The following TMC1 variants were observed in gnomAD, a reference collection of about 807,000 sequenced individuals.
The protein encoded by TMC1 is transmembrane channel-like protein 1.
TMC1 carries 84 observed loss-of-function variants against 105.8 expected under a neutral mutation model. The observed-to-expected ratio is 0.79, with a 90% CI of 0.67 to 0.95. The LOEUF is 0.95. Among genes scored for constraint, TMC1 ranks in the 40% least tolerant of loss-of-function variants. The pLI, the probability that TMC1 is intolerant of heterozygous loss-of-function variation, is 0.00. For synonymous variants in TMC1, 315 were observed against 311.5 expected (o/e 1.01, Z -0.12); for missense variants, 817 against 914.1 (o/e 0.89, Z 1.37).
At chr9:72,660,541 G>A (rs1825956414) in intron 5 of TMC1, among the ~76,000 whole-genome samples, 1 of 152,052 alleles carries the variant, frequency 6.6e-6, no homozygotes, top group African/African-American at 2.4e-5. Flanking sequence ...TTTTTTCAGA[G>A]CATTCCAGAG....
At chr9:72,556,004 A>G (rs1234635827) in intron 1 of TMC1, among the ~76,000 whole-genome samples, 1 of 131,762 alleles carries the variant, frequency 7.6e-6, no homozygotes, top group African/African-American at 3.0e-5. Context: ...AAAAAAAAAA[A>G]GTTGCACAGA....
chr9:72,546,150 C>T (rs979560628), intron 1 of TMC1, among the ~76,000 whole-genome samples: 5 of 151,590 alleles, frequency 3.3e-5, no homozygotes, highest in African/African-American at 7.3e-5. Context: ...AAAATTAGCC[C>T]GGCGTGGTGG....
At chr9:72,620,743 G>A (rs1442334980) in intron 3 of TMC1, among the ~76,000 whole-genome samples, 1 of 151,754 alleles carries the variant, frequency 6.6e-6, no homozygotes, top group Non-Finnish European at 1.5e-5. Flanking sequence ...AGTAATTATA[G>A]TAATTACATG....
chr9:72,625,544 C>T (rs761900441), intron 3 of TMC1, among the ~76,000 whole-genome samples: 10 of 151,844 alleles, frequency 6.6e-5, no homozygotes, highest in South Asian at 2.1e-4. Context: ...AAAAATTAGC[C>T]GGGCGTGGTG....
At chr9:72,795,436 A>G (rs1828348047) in intron 17 of TMC1, among the ~76,000 whole-genome samples, 1 of 152,180 alleles carries the variant, frequency 6.6e-6, no homozygotes, top group African/African-American at 2.4e-5. Flanking sequence ...CATTAGGCTA[A>G]CAGCAGATGT....
intron 18 of TMC1, among the ~76,000 whole-genome samples, chr9:72,811,961 C>G (rs1043935020): frequency 6.6e-6 from 1 of 152,258 alleles, no homozygotes; most frequent in Non-Finnish European, 1.5e-5. Context: ...TCCTACTTTA[C>G]AGTAAACTGA....
chr9:72,613,568 C>G (rs957985803), intron 2 of TMC1, among the ~76,000 whole-genome samples: 2 of 152,128 alleles, frequency 1.3e-5, no homozygotes, highest in Admixed American at 6.6e-5. Context: ...CAAAACCTAT[C>G]TCTTCTTGGA....
intron 5 of TMC1, among the ~76,000 whole-genome samples, chr9:72,650,545 A>G (rs1049563768): frequency 1.3e-5 from 2 of 152,126 alleles, no homozygotes; most frequent in African/African-American, 4.8e-5. Flanking sequence ...AAAGTTTGTT[A>G]CATAGGTAAA....
intron 5 of TMC1, among the ~76,000 whole-genome samples, chr9:72,682,311 A>G (rs1227359784): frequency 1.3e-5 from 2 of 152,150 alleles, no homozygotes. Flanking sequence ...GTCTCATTAA[A>G]TCTTATCCCC....
In TMC1 at chr9:72,826,975, G is replaced by A. The variant is rs1385246326; in HGVS notation, c.2110G>A (p.Ala704Thr). ...RQLSNPGLVIAVILVMVLAIY... is the reference protein window; with the variant it reads ...RQLSNPGLVITVILVMVLAIY... ...GCTTTCAAACCCTGGGCTGGTCATT[G>A]CTGTCATTTTGGTGATGGTGTATGT... The change falls in exon 21 of 24, where the codon GCT becomes ACT. Residue 704 changes from alanine (A) to threonine (T), a missense_variant. Physicochemically the swap from Ala to Thr is moderately conservative, Grantham distance 58 (BLOSUM62 0). Coordinates refer to ENST00000297784, the MANE Select transcript of TMC1 (RefSeq NM_138691.3). 2 of 1,613,940 alleles carry A rather than the reference G, an allele frequency of 1.2e-6. No individual in the cohort carries two copies. Among genetic ancestry groups the A allele is most frequent in the East Asian group, 4.5e-5 (2 of 44,880 alleles).
At chr9:72,611,723 G>T (rs1295333436) in intron 2 of TMC1, among the ~76,000 whole-genome samples, 1 of 152,142 alleles carries the variant, frequency 6.6e-6, no homozygotes, top group East Asian at 1.9e-4. Flanking sequence ...TTTTAGAAAG[G>T]ATACAAATGA....
intron 4 of TMC1, among the ~76,000 whole-genome samples, chr9:72,634,862 T>C (rs889088686): frequency 7.2e-5 from 11 of 152,186 alleles, no homozygotes; most frequent in Non-Finnish European, 1.2e-4. Context: ...AAGAGAGGCA[T>C]AGGGCAAGGT....
At chr9:72,776,926 G>A (rs940156922) in intron 13 of TMC1, among the ~76,000 whole-genome samples, 1 of 151,704 alleles carries the variant, frequency 6.6e-6, no homozygotes, top group Non-Finnish European at 1.5e-5. Context: ...TAAAAATTCT[G>A]TATTAAAATA....
chr9:72,618,588 A>G (rs1462416100), intron 3 of TMC1, among the ~76,000 whole-genome samples: 1 of 152,186 alleles, frequency 6.6e-6, no homozygotes, highest in Non-Finnish European at 1.5e-5. Context: ...CAAGATATAA[A>G]TAAAGTTAAA....
chr9:72,535,726 G>C (rs1416708967), intron 1 of TMC1, among the ~76,000 whole-genome samples: 1 of 152,184 alleles, frequency 6.6e-6, no homozygotes. Flanking sequence ...TTGGGCATTT[G>C]GTAAAAGCCT....
chr9:72,578,274 G>A (rs1433885465), intron 2 of TMC1: 1 of 110,560 alleles, frequency 9.0e-6, no homozygotes, highest in Non-Finnish European at 1.8e-5. Flanking sequence ...GCGTGTGTGT[G>A]TGTGTGTGTG....
intron 1 of TMC1, among the ~76,000 whole-genome samples, chr9:72,528,073 T>C (rs1823436356): frequency 6.6e-6 from 1 of 152,056 alleles, no homozygotes; most frequent in Non-Finnish European, 1.5e-5. Context: ...CCTAAGGTGG[T>C]GGTATTAGAA....
At chr9:72,631,323 A>T (rs1163830343) in intron 4 of TMC1, among the ~76,000 whole-genome samples, 1 of 152,248 alleles carries the variant, frequency 6.6e-6, no homozygotes, top group Non-Finnish European at 1.5e-5. Context: ...GATGCATTAT[A>T]GAGTCTCGTT....
At chr9:72,561,952 C>T (rs1375511484) in intron 1 of TMC1, among the ~76,000 whole-genome samples, 3 of 151,326 alleles carry the variant, frequency 2.0e-5, no homozygotes, top group Admixed American at 1.3e-4. Context: ...AAGATACAGT[C>T]AGCTATGATC....
Sources: allele counts gnomAD v4.1 joint callset (sites outside exome capture counted in the v4.1 genomes callset), GRCh38; gene constraint gnomAD v4.1.1; transcripts MANE v1.5; gene names NCBI Gene and HGNC (gene_info 2026-07-23, HGNC 2026-07-21).